The following SLCO1B3 variants were observed in gnomAD, a reference collection of about 807,000 sequenced individuals.
SLCO1B3 encodes the protein solute carrier organic anion transporter family member 1B3, also known as liver-specific organic anion transporter 2.
A neutral mutation model predicts 71.8 loss-of-function variants in SLCO1B3; 72 were observed. That is an observed-to-expected ratio of 1.00 (90% confidence interval 0.83 to 1.22). The LOEUF (loss-of-function observed/expected upper bound fraction) is 1.22, where lower values mean the gene tolerates loss of function less well. Ranked by LOEUF, SLCO1B3 falls within the 50% of genes most tolerant of loss-of-function variation. The probability of loss-of-function intolerance (pLI) is 0.00; values close to 1 mark genes in which losing one functional copy is unlikely to be tolerated. For missense variants in SLCO1B3, 911 were observed against 819.7 expected (o/e 1.11, Z -1.36); for synonymous variants, 298 against 278.4 (o/e 1.07, Z -0.70).
At chr12:20,811,219 A>G (rs1057043386) in intron 1 of SLCO1B3, among the ~76,000 whole-genome samples, 1 of 152,158 alleles carries the variant, frequency 6.6e-6, no homozygotes, top group African/African-American at 2.4e-5. Flanking sequence ...TTTCAAAGTC[A>G]CTTAATCACC....
chr12:20,891,013 A>G (rs1369198316), intron 13 of SLCO1B3, among the ~76,000 whole-genome samples: 1 of 152,118 alleles, frequency 6.6e-6, no homozygotes, highest in Non-Finnish European at 1.5e-5. Flanking sequence ...GTATATTTAT[A>G]TATAAGGTCA....
At chr12:20,847,292 A>G (rs1864938379) in intron 3 of SLCO1B3, among the ~76,000 whole-genome samples, 1 of 152,184 alleles carries the variant, frequency 6.6e-6, no homozygotes, top group Non-Finnish European at 1.5e-5. Flanking sequence ...TTCCTTGCCA[A>G]TTACATATTG....
At chr12:20,895,486 A>G (rs1865986911) in intron 13 of SLCO1B3, among the ~76,000 whole-genome samples, 1 of 152,226 alleles carries the variant, frequency 6.6e-6, no homozygotes, top group South Asian at 2.1e-4. Flanking sequence ...CAGGGCAGTC[A>G]AAACTTGAAG....
chr12:20,884,099 T>C (rs181609674), intron 13 of SLCO1B3, among the ~76,000 whole-genome samples: 123 of 152,216 alleles, frequency 8.1e-4, no homozygotes, highest in African/African-American at 2.9e-3. Flanking sequence ...ATAAGAAAAA[T>C]ATGTGTAAAT....
chr12:20,849,307 A>T (rs948061768), intron 3 of SLCO1B3, among the ~76,000 whole-genome samples: 1 of 152,044 alleles, frequency 6.6e-6, no homozygotes, highest in African/African-American at 2.4e-5. Flanking sequence ...CAAAGAAAAA[A>T]GCCACATGAC....
chr12:20,837,185 T>C (rs2121156896), intron 3 of SLCO1B3, among the ~76,000 whole-genome samples: 1 of 152,252 alleles, frequency 6.6e-6, no homozygotes, highest in Admixed American at 6.5e-5. Context: ...ATATTGGTAA[T>C]TAGTATTCAC....
intron 10 of SLCO1B3, among the ~76,000 whole-genome samples, chr12:20,878,216 C>T (rs575847335): frequency 9.9e-5 from 15 of 151,928 alleles, no homozygotes; most frequent in South Asian, 6.2e-4. Context: ...AACATTTAGA[C>T]GTAGTATCTG....
intron 3 of SLCO1B3, among the ~76,000 whole-genome samples, chr12:20,819,382 T>G (rs549888478): frequency 6.6e-6 from 1 of 152,300 alleles, no homozygotes; most frequent in African/African-American, 2.4e-5. Flanking sequence ...TGAAGCCTTG[T>G]GGCAGTGCAG....
At chr12:20,892,824 T>A (rs1472525255) in intron 13 of SLCO1B3, among the ~76,000 whole-genome samples, 1 of 152,130 alleles carries the variant, frequency 6.6e-6, no homozygotes, top group Non-Finnish European at 1.5e-5. Flanking sequence ...CCTGAATGTC[T>A]GTGCTTATGA....
In SLCO1B3 at chr12:20,916,139, T is replaced by G; in HGVS notation, c.2001T>G (p.Asp667Glu). ...CGGACAATGAAAGAAAAGTAATGGA[T>G]GAAGCAAACTTAGAATTCTTAAATA... ...KASDNERKVM[D>E]EANLEFLNNG... is the part of the protein sequence containing the mutation. The change falls in exon 16 of 16, where the codon GAT becomes GAG. Residue 667 changes from aspartate (D) to glutamate (E), a missense_variant. Coordinates refer to ENST00000381545, the MANE Select transcript of SLCO1B3 (RefSeq NM_019844.4). 1 of 1,613,518 alleles carries G rather than the reference T, an allele frequency of 6.2e-7. No individual in the cohort carries two copies.
chr12:20,903,483 G>T (rs1682495651), intron 15 of SLCO1B3, among the ~76,000 whole-genome samples: 1 of 152,120 alleles, frequency 6.6e-6, no homozygotes, highest in Non-Finnish European at 1.5e-5. Context: ...CAGTTCCACA[G>T]GCTTAACAAG....
chr12:20,820,725 A>T lies in SLCO1B3; in HGVS notation c.84+4903A>T, dbSNP rs991448244. ...TAATAAAATGTATATTGAGAATAAGATGGCCTTTTGACCTTTTAGGGTCTA... is the reference window on the plus strand; with the variant it reads ...TAATAAAATGTATATTGAGAATAAGTTGGCCTTTTGACCTTTTAGGGTCTA... On this transcript the variant is annotated intron_variant, in intron 3 of 15. Transcript: ENST00000381545. Among the ~76,000 whole-genome samples, 58 of 152,086 alleles carry T rather than the reference A, an allele frequency of 3.8e-4. 1 individual carries two copies. Among genetic ancestry groups the T allele is most frequent in the Admixed American group, 2.5e-3 (38 of 15,270 alleles).
At chr12:20,827,855 AC>A (rs1243459980) in intron 3 of SLCO1B3, among the ~76,000 whole-genome samples, 1 of 152,194 alleles carries the variant, frequency 6.6e-6, no homozygotes, top group Non-Finnish European at 1.5e-5. Flanking sequence ...GGTGTGAGCC[AC>A]GGTGCACAAG....
At chr12:20,817,832 C>T (rs982733300) in intron 3 of SLCO1B3, among the ~76,000 whole-genome samples, 11 of 152,060 alleles carry the variant, frequency 7.2e-5, no homozygotes, top group South Asian at 2.1e-4. Context: ...CCTCGTGATC[C>T]GCCTGCCTCG....
chr12:20,835,304 T>C (rs1203207486), intron 3 of SLCO1B3, among the ~76,000 whole-genome samples: 1 of 152,180 alleles, frequency 6.6e-6, no homozygotes, highest in Non-Finnish European at 1.5e-5. Flanking sequence ...ATTTTCCGCA[T>C]TGTCTTGGCA....
intron 3 of SLCO1B3, among the ~76,000 whole-genome samples, chr12:20,837,455 T>C (rs1588916): frequency 0.72 from 110,089 of 151,968 alleles, 42,472 homozygotes; most frequent in South Asian, 0.9. Context: ...GTATTCAGTG[T>C]AATAAATTTT....
chr12:20,870,655 C>T (rs1462996179), intron 8 of SLCO1B3, among the ~76,000 whole-genome samples: 2 of 152,280 alleles, frequency 1.3e-5, no homozygotes, highest in African/African-American at 4.8e-5. Context: ...TTTCTCTGGG[C>T]TCTGTATTCC....
intron 12 of SLCO1B3, among the ~76,000 whole-genome samples, chr12:20,882,894 T>A (rs1295592552): frequency 6.6e-6 from 1 of 152,158 alleles, no homozygotes; most frequent in Non-Finnish European, 1.5e-5. Flanking sequence ...GCCAGCACAT[T>A]CTTTTGTGTT....
intron 3 of SLCO1B3, among the ~76,000 whole-genome samples, chr12:20,845,678 C>T (rs575816975): frequency 1.3e-5 from 2 of 152,242 alleles, no homozygotes; most frequent in Admixed American, 6.5e-5. Context: ...GTGTTGATGA[C>T]AAGAATGTAT....
Sources: gnomAD v4.1 joint callset for allele counts (sites outside exome capture counted in the v4.1 genomes callset) on GRCh38, gnomAD v4.1.1 for gene constraint, MANE v1.5 for transcripts, NCBI Gene and HGNC (gene_info 2026-07-23, HGNC 2026-07-21) for gene names.